The following NDUFB9 variants were observed in gnomAD, a reference collection of about 807,000 sequenced individuals.
NDUFB9 encodes the protein NADH:ubiquinone oxidoreductase subunit B9.
NDUFB9 carries 24 observed loss-of-function variants against 30.2 expected under a neutral mutation model. The ratio of observed to expected loss-of-function variants is 0.80; its 90% CI spans 0.58 to 1.12. The LOEUF is 1.12. Among genes scored for constraint, NDUFB9 ranks in the 50% most tolerant of loss-of-function variants. The pLI is 0.00. For missense variants in NDUFB9, 204 were observed against 226.0 expected, an observed-to-expected ratio of 0.90 and a Z score of 0.62; for synonymous variants, 80 against 84.0, an observed-to-expected ratio of 0.95 and a Z score of 0.26.
Position 124,543,269 on chromosome 8 carries a change from A to G in NDUFB9, c.284A>G (p.Asp95Gly). ...SPGGTSYERY[D>G]CYKVPEWCLD... is the part of the protein sequence containing the mutation. ...GGGGGCACCTCCTATGAGAGATACG[A>G]TTGCTACAAGGTAGGTGAGAATTAT... The change falls in exon 2 of 4, where the codon GAT (aspartate) becomes GGT (glycine). Residue 95 changes from aspartate to glycine, a missense_variant. Physicochemically the swap from Asp to Gly is moderately conservative, Grantham distance 94. Transcript: ENST00000276689. 3 of 1,613,668 alleles carry G rather than the reference A, an allele frequency of 1.9e-6. No individual in the cohort carries two copies. The highest frequency in any genetic ancestry group is 2.5e-6 in the Non-Finnish European group (3 of 1,179,578).
chr8:124,541,937 G>T (rs1822010234), intron 1 of NDUFB9, among the ~76,000 whole-genome samples: 1 of 145,260 alleles, frequency 6.9e-6, no homozygotes. Flanking sequence ...TTTTTGAGAT[G>T]AAGTCTCGCT....
At chr8:124,539,561 G>C in intron 1 of NDUFB9, 1 of 464,820 alleles carries the variant, frequency 2.2e-6, no homozygotes, top group South Asian at 2.4e-5. Context: ...GGAAAATTAA[G>C]TGAAATAAAG....
At chr8:124,545,035 G>A (rs1822121007) in intron 2 of NDUFB9, among the ~76,000 whole-genome samples, 1 of 152,184 alleles carries the variant, frequency 6.6e-6, no homozygotes, top group African/African-American at 2.4e-5. Flanking sequence ...CAGAAGTTGT[G>A]GAAATAGCAA....
intron 3 of NDUFB9, 98 bp downstream of exon 3, chr8:124,547,211 C>T (rs1324877178): frequency 8.1e-6 from 7 of 868,486 alleles, no homozygotes; most frequent in Non-Finnish European, 1.4e-5. Context: ...ATGACAGTTA[C>T]TCTGGGCCCT....
chr8:124,539,619 C>A (rs1010622131), intron 1 of NDUFB9, among the ~76,000 whole-genome samples: 5 of 152,186 alleles, frequency 3.3e-5, no homozygotes, highest in African/African-American at 1.2e-4. Flanking sequence ...CTCGCTCAAT[C>A]GTTTTCTTCA....
chr8:124,545,219 A>G (rs1458852491), intron 2 of NDUFB9, among the ~76,000 whole-genome samples: 2 of 152,240 alleles, frequency 1.3e-5, no homozygotes, highest in African/African-American at 4.8e-5. Flanking sequence ...GACTTCGCAT[A>G]GCACATCAAC....
At chr8:124,549,667 C>A in intron 3 of NDUFB9, 94 bp from the exon 4 acceptor site, 2 of 1,168,740 alleles carry the variant, frequency 1.7e-6, no homozygotes, top group Non-Finnish European at 2.6e-6. Context: ...CAGTGACACA[C>A]CATAGACATA....
At chr8:124,542,848 T>C (rs1385106808) in intron 1 of NDUFB9, 2 of 403,594 alleles carry the variant, frequency 5.0e-6, no homozygotes, top group African/African-American at 4.1e-5. Context: ...CTCATTCCAT[T>C]GTTGGATGTA....
At chr8:124,547,855 G>A (rs1407246519) in intron 3 of NDUFB9, among the ~76,000 whole-genome samples, 3 of 152,078 alleles carry the variant, frequency 2.0e-5, no homozygotes, top group African/African-American at 7.2e-5. Context: ...TGGGGGCTGT[G>A]CACCTGTAAT....
Position 124,539,131 on chromosome 8 carries a change from G to T in NDUFB9, c.-56G>T. On this transcript the variant is annotated 5_prime_UTR_variant, in exon 1 of 4. Transcript: ENST00000276689. Reference sequence around the variant, plus strand: ...TCCGGCTGGCCCCGCTCAGTCACCCGCAGCAGGCGTGCAGTTTCCCGGCTC... The same window carrying T: ...TCCGGCTGGCCCCGCTCAGTCACCCTCAGCAGGCGTGCAGTTTCCCGGCTC... 8 of 1,612,588 alleles carry T rather than the reference G, an allele frequency of 5.0e-6. No individual in the cohort carries two copies. The highest frequency in any genetic ancestry group is 6.8e-6 in the Non-Finnish European group (8 of 1,178,650).
intron 1 of NDUFB9, among the ~76,000 whole-genome samples, chr8:124,539,721 TA>T (rs984925096): frequency 2.0e-5 from 3 of 152,228 alleles, no homozygotes; most frequent in African/African-American, 7.2e-5. Flanking sequence ...ATCTTAAGCT[TA>T]TTTTACAGAT....
intron 3 of NDUFB9, 144 bp from the exon 4 acceptor site, chr8:124,549,617 A>T: frequency 1.3e-6 from 1 of 786,732 alleles, no homozygotes; most frequent in Non-Finnish European, 2.1e-6. Flanking sequence ...GTATATGTAA[A>T]AAACACTTTT....
rs751507372 is a variant in NDUFB9 at position 124,543,195 on chromosome 8, A to G, written c.210A>G (p.Glu70=). 7 of 1,614,124 alleles carry G rather than the reference A, an allele frequency of 4.3e-6. No homozygotes were observed. In the African/African-American group the frequency reaches 5.3e-5, roughly 12 times the overall value. The part of the protein sequence containing the change: ...ATQLLKEAEE[E]FWYRQHPQPY... ...AGCTGCTGAAGGAGGCCGAGGAAGAATTCTGGTACCGTCAGCATCCACAGC... is the reference window on the plus strand; with the variant it reads ...AGCTGCTGAAGGAGGCCGAGGAAGAGTTCTGGTACCGTCAGCATCCACAGC... Residue 70 remains glutamate (E), a synonymous_variant, in exon 2 of 4, where the codon GAA becomes GAG. Coordinates refer to ENST00000276689, the MANE Select transcript of NDUFB9 (RefSeq NM_005005.3).
Position 124,547,123 on chromosome 8 carries a change from A to T in NDUFB9, c.408+10A>T. The T allele has an allele frequency of 6.3e-7, 1 of 1,595,990 alleles. No individual in the cohort carries two copies. The highest frequency in any genetic ancestry group is 8.6e-7 in the Non-Finnish European group (1 of 1,163,754). On this transcript the variant is annotated intron_variant, in intron 3 of 3. Transcript: ENST00000276689. ...AAGCTGGGAACGAGAGGTGCGTTCT[A>T]CTTGTACTTCGTTATTCCTTAGCTA...
At chr8:124,541,714 C>G (rs1296428192) in intron 1 of NDUFB9, among the ~76,000 whole-genome samples, 1 of 152,214 alleles carries the variant, frequency 6.6e-6, no homozygotes, top group Non-Finnish European at 1.5e-5. Flanking sequence ...AGCAATTCTC[C>G]TGCCTCAGTC....
At chr8:124,548,619 T>C (rs1822227003) in intron 3 of NDUFB9, among the ~76,000 whole-genome samples, 1 of 152,180 alleles carries the variant, frequency 6.6e-6, no homozygotes, top group Non-Finnish European at 1.5e-5. Context: ...TACTAAGCTG[T>C]ATGAGCACAG....
intron 2 of NDUFB9, 136 bp downstream of exon 2, chr8:124,543,415 C>T (rs908091093): frequency 7.1e-6 from 6 of 846,008 alleles, no homozygotes; most frequent in Non-Finnish European, 1.1e-5. Context: ...AGATGCAGGC[C>T]TACCTCATTT....
intron 2 of NDUFB9, among the ~76,000 whole-genome samples, chr8:124,544,602 A>T (rs1004102014): frequency 6.6e-6 from 1 of 152,138 alleles, no homozygotes; most frequent in African/African-American, 2.4e-5. Flanking sequence ...GGCCCTTAAG[A>T]ATTATGCTAA....
intron 3 of NDUFB9, among the ~76,000 whole-genome samples, chr8:124,549,489 T>A (rs1822277059): frequency 6.6e-6 from 1 of 152,042 alleles, no homozygotes; most frequent in South Asian, 2.1e-4. Flanking sequence ...GAGGTCCAGA[T>A]AATGAGGTGA....
Sources: gnomAD v4.1 joint callset for allele counts (sites outside exome capture counted in the v4.1 genomes callset) on GRCh38, gnomAD v4.1.1 for gene constraint, MANE v1.5 for transcripts, NCBI Gene and HGNC (gene_info 2026-07-23, HGNC 2026-07-21) for gene names.